STRN3: variants seen among roughly 807,000 people sequenced by gnomAD.
STRN3 encodes the protein striatin-3.
A neutral mutation model predicts 95.6 loss-of-function variants in STRN3; 29 were observed. The observed-to-expected ratio is 0.30, with a 90% confidence interval of 0.23 to 0.41. The LOEUF (loss-of-function observed/expected upper bound fraction) is 0.41, where lower values mean the gene tolerates loss of function less well. STRN3 is among the 10% of genes least tolerant of loss of function. The pLI, the probability that STRN3 is intolerant of heterozygous loss-of-function variation, is 1.00. For synonymous variants in STRN3, 331 were observed against 357.6 expected, an observed-to-expected ratio of 0.93 and a Z score of 0.84; for missense variants, 890 against 972.1, an observed-to-expected ratio of 0.92 and a Z score of 1.12.
At chr14:31,025,456 G>T in intron 1 of STRN3, 1 of 161,770 alleles carries the variant, frequency 6.2e-6, no homozygotes, top group Non-Finnish European at 1.3e-5. Flanking sequence ...ATCGGAAAGG[G>T]GGGTGGTCCG....
intron 16 of STRN3, among the ~76,000 whole-genome samples, chr14:30,902,266 G>C (rs1896343640): frequency 7.2e-6 from 1 of 139,834 alleles, no homozygotes; most frequent in South Asian, 2.4e-4. Flanking sequence ...ATTCATAACA[G>C]AATATGAGGG....
At chr14:30,924,285 A>ATTTTTT (rs1566438140) in intron 8 of STRN3, among the ~76,000 whole-genome samples, 1 of 33,562 alleles carries the variant, frequency 3.0e-5, no homozygotes, top group Non-Finnish European at 5.9e-5. Flanking sequence ...CATGCCTTAA[A>ATTTTTT]TCTTTTTTTT....
chr14:30,897,493 G>T (rs1896189608), intron 16 of STRN3, among the ~76,000 whole-genome samples: 1 of 152,156 alleles, frequency 6.6e-6, no homozygotes, highest in Non-Finnish European at 1.5e-5. Flanking sequence ...GCTGAGACAG[G>T]AGAATCGCTT....
intron 9 of STRN3, among the ~76,000 whole-genome samples, chr14:30,917,944 G>T (rs1449411312): frequency 6.6e-6 from 1 of 151,900 alleles, no homozygotes; most frequent in Non-Finnish European, 1.5e-5. Context: ...ATAATCTTTG[G>T]TTAAAAATTC....
At chr14:31,008,190 CAAAAAAAAAAG>C (rs57263823) in intron 1 of STRN3, among the ~76,000 whole-genome samples, 96,127 of 149,706 alleles carry the variant, frequency 0.64, 31,532 homozygotes, top group Non-Finnish European at 0.73. Flanking sequence ...GACTCCGTCT[CAAAAAAAAAAG>C]AAAAAGAAAA....
chr14:30,929,305 T>C lies in STRN3; in HGVS notation c.995A>G (p.Asp332Gly). The change falls in exon 8 of 18, where the codon GAT becomes GGT. Residue 332 changes from aspartate (D) to glycine (G), a missense_variant. By Grantham distance (94) the Asp-to-Gly change is moderately conservative. Coordinates refer to ENST00000357479, the MANE Select transcript of STRN3 (RefSeq NM_001083893.2). Reference protein sequence around the residue: ...SSGDGTEWDKDDLSPTAEVWD... With the variant: ...SSGDGTEWDKGDLSPTAEVWD... Reference sequence around the variant, plus strand: ...AACCTCAGCAGTTGGGGAGAGGTCATCTTTATCTACATGCAGCATATTATT... The same window carrying C: ...AACCTCAGCAGTTGGGGAGAGGTCACCTTTATCTACATGCAGCATATTATT... 6.2e-7 allele frequency: 1 copy of C among 1,612,412 alleles called. No homozygotes were observed. Among genetic ancestry groups the C allele is most frequent in the Non-Finnish European group, 8.5e-7 (1 of 1,179,266 alleles).
At chr14:31,002,490 A>G (rs902994235) in intron 1 of STRN3, among the ~76,000 whole-genome samples, 2 of 150,912 alleles carry the variant, frequency 1.3e-5, no homozygotes, top group Non-Finnish European at 3.0e-5. Flanking sequence ...AAAAAAAAAA[A>G]AAATTAGCTG....
chr14:30,963,575 AT>A (rs1880321246), intron 1 of STRN3, among the ~76,000 whole-genome samples: 1 of 152,060 alleles, frequency 6.6e-6, no homozygotes. Flanking sequence ...AACCCAGCTA[AT>A]TTTTGTATTT....
intron 1 of STRN3, among the ~76,000 whole-genome samples, chr14:31,012,820 G>A (rs566347683): frequency 6.6e-6 from 1 of 151,434 alleles, no homozygotes; most frequent in South Asian, 2.1e-4. Flanking sequence ...CTTGAAACCT[G>A]AAGGCAGAGG....
chr14:31,018,074 G>A (rs1378805296), intron 1 of STRN3, among the ~76,000 whole-genome samples: 1 of 133,968 alleles, frequency 7.5e-6, no homozygotes, highest in African/African-American at 2.8e-5. Context: ...ATGAAACCCT[G>A]CCTCAATTTA....
In STRN3 at chr14:30,961,618, T is replaced by C. The variant is rs534573150; in HGVS notation, c.283-5376A>G. ...TGCTCAATACTTATAATGACAATAA[T>C]GACTATTCTACAGTTGATTTACTAT... On this transcript the variant is annotated intron_variant, in intron 1 of 17. Transcript: ENST00000357479. Among the ~76,000 whole-genome samples, 16 of 152,348 alleles carry C rather than the reference T, an allele frequency of 1.1e-4. No individual in the cohort carries two copies. The South Asian group carries it at 2.3e-3, about 22-fold the overall frequency.
intron 1 of STRN3, among the ~76,000 whole-genome samples, chr14:31,007,160 G>T (rs1882756269): frequency 6.6e-6 from 1 of 152,142 alleles, no homozygotes. Flanking sequence ...AGTAAGCCAA[G>T]AAAGGGTCCA....
chr14:30,958,802 T>C (rs1335416620), intron 1 of STRN3, among the ~76,000 whole-genome samples: 1 of 152,196 alleles, frequency 6.6e-6, no homozygotes, highest in East Asian at 1.9e-4. Flanking sequence ...GCAGCAGTAT[T>C]TCCTATTAGA....
chr14:31,026,253 G>A lies in STRN3; in HGVS notation c.-68C>T. 7.5e-7 allele frequency: 1 copy of A among 1,337,596 alleles called. No homozygotes were observed. Among genetic ancestry groups the A allele is most frequent in the East Asian group, 3.1e-5 (1 of 32,010 alleles). 82.9% of individuals were successfully genotyped at this position (1,337,596 alleles called of 1,614,324 possible). On this transcript the variant is annotated 5_prime_UTR_variant, in exon 1 of 18. Transcript: ENST00000357479. ...AGCTGGGGGAAGGGCCGGAGAGGGT[G>A]GCCCCGCGCTGGCTGCGGGGCGGAG...
intron 16 of STRN3, among the ~76,000 whole-genome samples, chr14:30,901,895 C>T (rs978659357): frequency 6.6e-6 from 1 of 151,970 alleles, no homozygotes; most frequent in Non-Finnish European, 1.5e-5. Flanking sequence ...CGACCGGGCG[C>T]GGTGGCTCAT....
chr14:31,008,730 A>G (rs1325714032), intron 1 of STRN3, among the ~76,000 whole-genome samples: 1 of 152,036 alleles, frequency 6.6e-6, no homozygotes, highest in Non-Finnish European at 1.5e-5. Context: ...ATTTGCGTAC[A>G]TATTCTTTCA....
chr14:30,936,385 TGTAAA>T (rs3830861), intron 6 of STRN3, 105 bp downstream of exon 6: 146,105 of 1,268,318 alleles, frequency 0.12, 10,088 homozygotes, highest in South Asian at 0.27. Context: ...TTAACCAATA[TGTAAA>T]GTAAAGATGA....
In STRN3 at chr14:30,989,513, T is replaced by G. The variant is rs192541661; in HGVS notation, c.283-33271A>C. ...TCTGGCTCTGTCGCCCAGGCTGGAG[T>G]GCAGTGGCGCAATCTCAACTCACTG... On this transcript the variant is annotated intron_variant, in intron 1 of 17. Transcript: ENST00000357479. Among the ~76,000 whole-genome samples, 20 of 152,244 alleles carry G rather than the reference T, an allele frequency of 1.3e-4. No individual in the cohort carries two copies. In the East Asian group the frequency reaches 3.7e-3, roughly 28 times the overall value.
At chr14:30,923,929 T>G (rs1281375904) in intron 8 of STRN3, among the ~76,000 whole-genome samples, 1 of 152,040 alleles carries the variant, frequency 6.6e-6, no homozygotes, top group Non-Finnish European at 1.5e-5. Context: ...TTTACTAAGA[T>G]ATAAAATACA....
Sources: allele counts gnomAD v4.1 joint callset (sites outside exome capture counted in the v4.1 genomes callset), GRCh38; gene constraint gnomAD v4.1.1; transcripts MANE v1.5; gene names NCBI Gene and HGNC (gene_info 2026-07-23, HGNC 2026-07-21).